Variants in FOCAD observed in about 807,000 individuals in gnomAD.
The protein encoded by FOCAD is KIAA1797.
FOCAD carries 198 observed loss-of-function variants against 225.6 expected under a neutral mutation model. The observed-to-expected ratio is 0.88, with a 90% CI of 0.78 to 0.99. The LOEUF is 0.99. Among genes scored for constraint, FOCAD ranks in the 50% least tolerant of loss-of-function variants. FOCAD has a pLI of 0.00. For missense variants in FOCAD, 2,713 were observed against 2,123.6 expected, an observed-to-expected ratio of 1.28 and a Z score of -5.46; for synonymous variants, 897 against 755.0, an observed-to-expected ratio of 1.19 and a Z score of -3.08.
Position 20,933,052 on chromosome 9 carries a change from A to C in FOCAD, c.3356A>C (p.Lys1119Thr). 1 of 1,614,012 alleles carries C rather than the reference A, an allele frequency of 6.2e-7. No homozygotes were observed. The change falls in exon 28 of 44, where the codon AAG becomes ACG. Residue 1119 changes from lysine to threonine, a missense_variant. Physicochemically the swap from Lys to Thr is moderately conservative, Grantham distance 78. Coordinates refer to ENST00000338382, the MANE Select transcript of FOCAD (RefSeq NM_001375567.1). ...SGQEMNLLLMKSLDALENCCF... is the reference protein window; with the variant it reads ...SGQEMNLLLMTSLDALENCCF... ...CAAGAGATGAACCTTCTTCTGATGA[A>C]GTCGTTGGATGCCCTGGAAAATTGC...
At chr9:20,983,864 C>G (rs1840927267) in intron 39 of FOCAD, among the ~76,000 whole-genome samples, 1 of 152,056 alleles carries the variant, frequency 6.6e-6, no homozygotes, top group South Asian at 2.1e-4. Context: ...CTGCCTGGGT[C>G]AAGATAAGGA....
At chr9:20,987,721 A>G (rs906898997) in intron 40 of FOCAD, among the ~76,000 whole-genome samples, 2 of 152,184 alleles carry the variant, frequency 1.3e-5, no homozygotes, top group Non-Finnish European at 2.9e-5. Flanking sequence ...AATAAATTTG[A>G]TGTTGCCTTT....
intron 1 of FOCAD, among the ~76,000 whole-genome samples, chr9:20,705,050 AT>A (rs1406732778): frequency 2.0e-5 from 3 of 152,118 alleles, no homozygotes; most frequent in African/African-American, 4.8e-5. Flanking sequence ...AGTTATCTAA[AT>A]TTTCTTTGCC....
intron 35 of FOCAD, among the ~76,000 whole-genome samples, chr9:20,972,880 G>A (rs539734648): frequency 2.2e-4 from 34 of 152,036 alleles, no homozygotes; most frequent in Non-Finnish European, 3.8e-4. Flanking sequence ...ACCTTATGCT[G>A]ACTTTCCTTT....
chr9:20,948,236 C>CTTT, intron 30 of FOCAD, 35 bp from the exon 31 acceptor site: 1 of 1,450,300 alleles, frequency 6.9e-7, no homozygotes, highest in African/African-American at 1.5e-5. Context: ...TTTTTTTTTT[C>CTTT]TTTTTCTTAC....
rs1460866670 is a variant in FOCAD at position 20,917,063 on chromosome 9, T to C, written c.2852+126T>C. The C allele has an allele frequency of 4.2e-6, 3 of 716,596 alleles. 1 individual carries two copies. The African/African-American group carries it at 5.5e-5, about 13-fold the overall frequency. 44.4% of individuals were successfully genotyped at this position (716,596 alleles called of 1,614,324 possible). ...TTTTAGAGTACTTTTCAATTATTTT[T>C]TTAAAAAATTAATCGTTACCCTTCT... is the stretch of plus-strand genomic sequence containing the variant. On this transcript the variant is annotated intron_variant, in intron 24 of 43. Coordinates refer to ENST00000338382, the MANE Select transcript of FOCAD (RefSeq NM_001375567.1).
intron 15 of FOCAD, among the ~76,000 whole-genome samples, chr9:20,829,076 G>A (rs540151178): frequency 1.3e-5 from 2 of 152,162 alleles, no homozygotes; most frequent in Admixed American, 1.3e-4. Context: ...CTTTGCTATT[G>A]TGAATAGTGC....
chr9:20,917,115 T>C (rs1833940502), intron 24 of FOCAD, among the ~76,000 whole-genome samples, 178 bp downstream of exon 24: 1 of 152,200 alleles, frequency 6.6e-6, no homozygotes, highest in Admixed American at 6.5e-5. Flanking sequence ...TTACTACATG[T>C]CTTTTTGTGA....
chr9:20,758,389 A>C (rs1262775503), intron 6 of FOCAD, among the ~76,000 whole-genome samples, 198 bp downstream of exon 6: 5 of 151,648 alleles, frequency 3.3e-5, no homozygotes, highest in Non-Finnish European at 7.4e-5. Context: ...TTATACTTTA[A>C]GTTTTAGGGT....
At chr9:20,777,552 C>T (rs976742531) in intron 8 of FOCAD, among the ~76,000 whole-genome samples, 2 of 151,760 alleles carry the variant, frequency 1.3e-5, no homozygotes, top group African/African-American at 4.8e-5. Context: ...TAATGGTTTT[C>T]CATTTCTATG....
chr9:20,668,759 T>C (rs1433275104), intron 2 of FOCAD, among the ~76,000 whole-genome samples: 1 of 152,224 alleles, frequency 6.6e-6, no homozygotes, highest in African/African-American at 2.4e-5. Flanking sequence ...CTGACTTATC[T>C]GTAGAAACCT....
chr9:20,800,100 C>T (rs1338541061), intron 11 of FOCAD, among the ~76,000 whole-genome samples: 1 of 152,082 alleles, frequency 6.6e-6, no homozygotes, highest in Non-Finnish European at 1.5e-5. Flanking sequence ...TTCTCCTTTA[C>T]TTATGAAGCT....
chr9:20,904,157 C>T (rs768808629), intron 21 of FOCAD, among the ~76,000 whole-genome samples: 34 of 151,944 alleles, frequency 2.2e-4, no homozygotes, highest in Admixed American at 1.2e-3. Context: ...CTAGTTTTTC[C>T]GTTGATGGAC....
At chr9:20,923,611 T>G in intron 24 of FOCAD, 49 bp from the exon 25 acceptor site, 1 of 1,443,394 alleles carries the variant, frequency 6.9e-7, no homozygotes, top group Non-Finnish European at 9.7e-7. Flanking sequence ...TTTCTCTTCT[T>G]CTGGTTAATA....
intron 10 of FOCAD, chr9:20,786,785 C>A (rs2131153211): frequency 6.4e-6 from 1 of 157,374 alleles, no homozygotes; most frequent in Non-Finnish European, 1.4e-5. Flanking sequence ...CAATTATTTT[C>A]TACCTGTAAA....
upstream of FOCAD, among the ~76,000 whole-genome samples, chr9:20,657,135 G>C (rs1274114320): frequency 6.6e-6 from 1 of 152,100 alleles, no homozygotes; most frequent in Admixed American, 6.6e-5. Context: ...TAGGGTTTCT[G>C]CCGAGAGATC....
intron 35 of FOCAD, among the ~76,000 whole-genome samples, chr9:20,964,131 T>C (rs181958877): frequency 2.3e-4 from 35 of 152,166 alleles, no homozygotes; most frequent in African/African-American, 8.2e-4. Flanking sequence ...TTTGGGAAGC[T>C]GAGGCAGGTA....
intron 1 of FOCAD, among the ~76,000 whole-genome samples, chr9:20,687,272 G>A (rs1822724918): frequency 2.0e-5 from 3 of 152,220 alleles, no homozygotes; most frequent in African/African-American, 7.2e-5. Context: ...TTACTTGCCC[G>A]GGGACCAATG....
At chr9:20,962,160 A>G (rs1415007505) in intron 35 of FOCAD, among the ~76,000 whole-genome samples, 1 of 152,138 alleles carries the variant, frequency 6.6e-6, no homozygotes, top group African/African-American at 2.4e-5. Flanking sequence ...TGATGTTCCC[A>G]GATTAAGTTA....
Sources: gnomAD v4.1 joint callset for allele counts (sites outside exome capture counted in the v4.1 genomes callset) on GRCh38, gnomAD v4.1.1 for gene constraint, MANE v1.5 for transcripts, NCBI Gene and HGNC (gene_info 2026-07-23, HGNC 2026-07-21) for gene names.